The following TRPM8 variants were observed in gnomAD, a reference collection of about 807,000 sequenced individuals.
TRPM8 encodes the protein transient receptor potential cation channel subfamily M member 8, also known as TRPM8 cationic channel.
Under a neutral mutation model 133.7 loss-of-function variants are expected in TRPM8, and 110 were observed. The ratio of observed to expected loss-of-function variants is 0.82; its 90% CI spans 0.70 to 0.96. The LOEUF (loss-of-function observed/expected upper bound fraction) is 0.96, where lower values mean the gene tolerates loss of function less well. Ranked by LOEUF, TRPM8 falls within the 40% of genes least tolerant of loss-of-function variation. The pLI, the probability that TRPM8 is intolerant of heterozygous loss-of-function variation, is 0.00. For missense variants in TRPM8, 1,291 were observed against 1,379.5 expected, an observed-to-expected ratio of 0.94 and a Z score of 1.02; for synonymous variants, 535 against 532.3, an observed-to-expected ratio of 1.01 and a Z score of -0.07.
At chr2:233,965,302 C>G (rs771438513) in intron 14 of TRPM8, among the ~76,000 whole-genome samples, 7 of 152,184 alleles carry the variant, frequency 4.6e-5, no homozygotes, top group African/African-American at 9.7e-5. Context: ...CTGCAGCTCC[C>G]TGAAGTTAGG....
rs1428146352 is a variant in TRPM8 at position 233,989,765 on chromosome 2, G to C, written c.2939+3900G>C. Among the ~76,000 whole-genome samples the C allele has an allele frequency of 1.3e-5, 2 of 152,202 alleles. No homozygotes were observed. The highest frequency in any genetic ancestry group is 4.8e-5 in the African/African-American group (2 of 41,450). ...TTCAACAGAGAAAGGAAATGGATGT[G>C]AACATCTGTGATTATTCTACATTAA... On this transcript the variant is annotated intron_variant, in intron 21 of 25. Coordinates refer to ENST00000324695, the MANE Select transcript of TRPM8 (RefSeq NM_024080.5). The surrounding 1 kb of genome is among the most constrained non-coding windows in gnomAD (Gnocchi z 4.2).
At chr2:233,933,812 G>A (rs535732001) in intron 3 of TRPM8, 3 of 167,260 alleles carry the variant, frequency 1.8e-5, no homozygotes, top group African/African-American at 7.2e-5. Flanking sequence ...GCTATGGAGA[G>A]AGAAGAGGAA....
rs1691939717 is a variant in TRPM8 at position 233,978,987 on chromosome 2, G to A, written c.2356-1201G>A. On this transcript the variant is annotated intron_variant, in intron 17 of 25. Transcript: ENST00000324695. ...TAGGACCTCTGTGGGATCTGAAGAA[G>A]CAGAGTGATGTGGGGAGAAGCAACT... Among the ~76,000 whole-genome samples the A allele has an allele frequency of 2.0e-5, 3 of 152,242 alleles. No homozygotes were observed. In the South Asian group the frequency reaches 6.2e-4, roughly 31 times the overall value.
chr2:233,977,891 T>C (rs1284248440), intron 17 of TRPM8, among the ~76,000 whole-genome samples: 1 of 152,248 alleles, frequency 6.6e-6, no homozygotes, highest in African/African-American at 2.4e-5. Flanking sequence ...ATTTTTATTT[T>C]ATTTAGTTGT....
chr2:234,010,585 C>G (rs774632974), intron 24 of TRPM8, among the ~76,000 whole-genome samples: 2 of 152,162 alleles, frequency 1.3e-5, no homozygotes, highest in African/African-American at 2.4e-5. Flanking sequence ...GCTATATCAA[C>G]TTACCTTCCC....
chr2:233,992,799 C>T (rs1253782353), intron 21 of TRPM8, among the ~76,000 whole-genome samples: 1 of 152,146 alleles, frequency 6.6e-6, no homozygotes, highest in Admixed American at 6.5e-5. Flanking sequence ...CGGGTGAGAC[C>T]CTGGGCATGA....
At position 234,003,292 on chromosome 2, in the gene TRPM8, G is replaced by GACA. The variant is rs1300717283; in HGVS notation, c.3131-3561_3131-3560insACA. Among the ~76,000 whole-genome samples the GACA allele has an allele frequency of 1.7e-4, 26 of 152,300 alleles. No homozygotes were observed. The East Asian group carries it at 4.8e-3, about 28-fold the overall frequency. ...ACAGCATTATTTTAAAATGTTAAATGTCACTTTGGGGATGTCATTAACGAT... is the reference window on the plus strand; with the variant it reads ...ACAGCATTATTTTAAAATGTTAAATGACATCACTTTGGGGATGTCATTAACGAT... On this transcript the variant is annotated intron_variant, in intron 22 of 25. Coordinates refer to ENST00000324695, the MANE Select transcript of TRPM8 (RefSeq NM_024080.5).
chr2:233,917,612 G>A (rs1327264448), intron 1 of TRPM8, among the ~76,000 whole-genome samples, 180 bp downstream of exon 1: 2 of 152,170 alleles, frequency 1.3e-5, no homozygotes, highest in Non-Finnish European at 1.5e-5. Flanking sequence ...GCAAATGCGG[G>A]TTCACAGATA....
At position 233,983,210 on chromosome 2, in the gene TRPM8, C is replaced by T; in HGVS notation, c.2747C>T (p.Pro916Leu). 6.2e-7 allele frequency: 1 copy of T among 1,614,104 alleles called. No homozygotes were observed. The highest frequency in any genetic ancestry group is 8.5e-7 in the Non-Finnish European group (1 of 1,180,016). Reference protein sequence around the residue: ...EPYLAMFGQVPSDVDGTTYDF... With the variant: ...EPYLAMFGQVLSDVDGTTYDF... ...TACCTGGCCATGTTCGGCCAGGTGCCCAGTGACGTGGATGGTAAGCCTGAC... is the reference window on the plus strand; with the variant it reads ...TACCTGGCCATGTTCGGCCAGGTGCTCAGTGACGTGGATGGTAAGCCTGAC... The change falls in exon 20 of 26, where the codon CCC (proline) becomes CTC (leucine). Residue 916 changes from proline to leucine, a missense_variant. Coordinates refer to ENST00000324695, the MANE Select transcript of TRPM8 (RefSeq NM_024080.5).
intron 8 of TRPM8, among the ~76,000 whole-genome samples, chr2:233,948,939 C>T (rs1243753490): frequency 1.3e-5 from 2 of 152,150 alleles, no homozygotes; most frequent in Non-Finnish European, 2.9e-5. Context: ...GAGGCTAAGG[C>T]AGGAGAATCG....
intron 21 of TRPM8, among the ~76,000 whole-genome samples, chr2:233,986,785 G>A (rs111300366): frequency 6.6e-6 from 1 of 152,172 alleles, no homozygotes; most frequent in African/African-American, 2.4e-5. Flanking sequence ...GAATTTATAA[G>A]AGAAAGACAA....
chr2:234,008,841 G>T (rs1291855171), intron 24 of TRPM8, among the ~76,000 whole-genome samples: 1 of 152,064 alleles, frequency 6.6e-6, no homozygotes, highest in Non-Finnish European at 1.5e-5. Context: ...GAACAAAAGG[G>T]GTCCCTTGCA....
chr2:234,007,061 GAA>G, intron 23 of TRPM8, 109 bp downstream of exon 23: 1 of 698,184 alleles, frequency 1.4e-6, no homozygotes, highest in East Asian at 2.8e-5. Context: ...TTTCAACAGA[GAA>G]TAATACCACC....
chr2:233,968,478 C>T (rs1040189302), intron 15 of TRPM8, among the ~76,000 whole-genome samples: 1 of 152,156 alleles, frequency 6.6e-6, no homozygotes, highest in Non-Finnish European at 1.5e-5. Context: ...CCACCAACTG[C>T]AATTGGTTGT....
chr2:233,967,725 G>C (rs1379481452), intron 15 of TRPM8, among the ~76,000 whole-genome samples: 3 of 152,190 alleles, frequency 2.0e-5, no homozygotes, highest in African/African-American at 4.8e-5. Flanking sequence ...CATGCGGAGA[G>C]CGTCTTGCTA....
intron 22 of TRPM8, among the ~76,000 whole-genome samples, chr2:234,000,104 T>TTTA (rs1211099940): frequency 6.6e-6 from 1 of 150,808 alleles, no homozygotes; most frequent in Non-Finnish European, 1.5e-5. Flanking sequence ...TATTTATTTA[T>TTTA]TTATTTATTT....
chr2:233,946,997 A>T lies in TRPM8; in HGVS notation c.875-91A>T. 3.5e-6 allele frequency: 4 copies of T among 1,153,682 alleles called. No individual in the cohort carries two copies. The Admixed American group carries it at 7.7e-5, about 22-fold the overall frequency. 71.5% of individuals were successfully genotyped at this position (1,153,682 alleles called of 1,614,324 possible). A position where few individuals can be genotyped will look rare whatever the true frequency, so the allele number is the denominator to read the frequency against. On this transcript the variant is annotated intron_variant, in intron 7 of 25. Transcript: ENST00000324695. Reference sequence around the variant, plus strand: ...AGCTATCTCTCCACACCCTAGGCTCACAGGGCAGAAGCTCTTGGTCCAACT... The same window carrying T: ...AGCTATCTCTCCACACCCTAGGCTCTCAGGGCAGAAGCTCTTGGTCCAACT...
chr2:233,921,680 T>TTC (rs1553652787), intron 1 of TRPM8, among the ~76,000 whole-genome samples: 7 of 142,740 alleles, frequency 4.9e-5, no homozygotes, highest in African/African-American at 1.8e-4. Context: ...TTCTTTTCTT[T>TTC]TTTTTTTTTT....
At chr2:233,941,746 A>G (rs569821222) in intron 5 of TRPM8, among the ~76,000 whole-genome samples, 1 of 152,332 alleles carries the variant, frequency 6.6e-6, no homozygotes, top group East Asian at 1.9e-4. Flanking sequence ...CCCCCGCCGC[A>G]ATAAAACCCT....
Sources: allele counts gnomAD v4.1 joint callset (sites outside exome capture counted in the v4.1 genomes callset), GRCh38; gene constraint gnomAD v4.1.1; non-coding constraint Gnocchi (gnomAD v3.1); transcripts MANE v1.5; gene names NCBI Gene and HGNC (gene_info 2026-07-23, HGNC 2026-07-21).